The following SLC44A1 variants were observed in gnomAD, a reference collection of about 807,000 sequenced individuals.
SLC44A1 encodes solute carrier family 44 member 1.
Under a neutral mutation model 79.3 loss-of-function variants are expected in SLC44A1, and 26 were observed. That is an observed-to-expected ratio of 0.33 (90% CI 0.24 to 0.46). The LOEUF (loss-of-function observed/expected upper bound fraction) is 0.46. Among genes scored for constraint, SLC44A1 ranks in the 20% least tolerant of loss-of-function variants. The probability of loss-of-function intolerance (pLI) is 1.00; values close to 1 mark genes in which losing one functional copy is unlikely to be tolerated. For missense variants in SLC44A1, 688 were observed against 798.1 expected (o/e 0.86, Z 1.66); for synonymous variants, 263 against 286.2 (o/e 0.92, Z 0.82).
intron 12 of SLC44A1, among the ~76,000 whole-genome samples, chr9:105,368,226 A>G (rs1479986583): frequency 6.6e-6 from 1 of 150,630 alleles, no homozygotes; most frequent in Non-Finnish European, 1.5e-5. Context: ...GATTTTGTCC[A>G]TTTTGGATCA....
At chr9:105,286,928 C>T (rs564526629) in intron 1 of SLC44A1, among the ~76,000 whole-genome samples, 9 of 152,170 alleles carry the variant, frequency 5.9e-5, no homozygotes, top group Non-Finnish European at 1.2e-4. Flanking sequence ...CCTGTCACTG[C>T]GTTGCAGCCT....
intron 15 of SLC44A1, among the ~76,000 whole-genome samples, chr9:105,403,173 C>A (rs1828980938): frequency 6.6e-6 from 1 of 151,982 alleles, no homozygotes; most frequent in Non-Finnish European, 1.5e-5. Flanking sequence ...CAGGAAGAAA[C>A]AAATATGCTG....
intron 1 of SLC44A1, among the ~76,000 whole-genome samples, chr9:105,269,900 C>G (rs1368009354): frequency 6.6e-6 from 1 of 152,162 alleles, no homozygotes; most frequent in Non-Finnish European, 1.5e-5. Context: ...GTGTGCCACA[C>G]TGGTAACATG....
intron 2 of SLC44A1, among the ~76,000 whole-genome samples, chr9:105,303,508 C>T (rs1301555511): frequency 1.3e-5 from 2 of 152,172 alleles, no homozygotes; most frequent in African/African-American, 4.8e-5. Flanking sequence ...TTGCTGCTTA[C>T]TATGAGCTAG....
rs78302075 is a variant in SLC44A1, at chr9:105,273,683, T to G, written c.37-25537T>G. ...ATGTTCTGAGTATATTGTCTGAGTT[T>G]TTTTTTTTACCTGCAGTCACAGAGC... On this transcript the variant is annotated intron_variant, in intron 1 of 15. Coordinates refer to ENST00000374720, the MANE Select transcript of SLC44A1 (RefSeq NM_080546.5). 3.4e-3 allele frequency among the ~76,000 whole-genome samples: 524 copies of G among 152,248 alleles called. 2 individuals are homozygous for G. The highest frequency in any genetic ancestry group is 0.011 in the African/African-American group (477 of 41,544).
chr9:105,382,947 C>A lies in SLC44A1; in HGVS notation c.1633-176C>A, dbSNP rs180739321. ...TTTAAAATTTATATTATATGATAAGCATGTATAACTCTGGGTGTATATGAG... is the reference window on the plus strand; with the variant it reads ...TTTAAAATTTATATTATATGATAAGAATGTATAACTCTGGGTGTATATGAG... On this transcript the variant is annotated intron_variant, in intron 13 of 15. Transcript: ENST00000374720. 5.1e-4 allele frequency among the ~76,000 whole-genome samples: 77 copies of A among 152,224 alleles called. 1 individual carries two copies. In the East Asian group the frequency reaches 8.9e-3, roughly 18 times the overall value.
intron 1 of SLC44A1, among the ~76,000 whole-genome samples, chr9:105,286,209 A>C (rs893558047): frequency 1.3e-5 from 2 of 152,102 alleles, no homozygotes; most frequent in African/African-American, 4.8e-5. Flanking sequence ...TTTTCCACAT[A>C]GTTCATTCCA....
intron 4 of SLC44A1, among the ~76,000 whole-genome samples, chr9:105,340,566 A>G (rs1827057035): frequency 6.6e-6 from 1 of 152,234 alleles, no homozygotes; most frequent in Admixed American, 6.5e-5. Flanking sequence ...AATTTTTATT[A>G]AGTTCATGAA....
intron 15 of SLC44A1, among the ~76,000 whole-genome samples, chr9:105,435,468 A>G (rs1223230300): frequency 6.6e-6 from 1 of 152,118 alleles, no homozygotes; most frequent in Non-Finnish European, 1.5e-5. Flanking sequence ...CAGGGGAAGA[A>G]TGTCACAAGG....
chr9:105,419,794 A>G (rs1382018855), intron 15 of SLC44A1, among the ~76,000 whole-genome samples: 3 of 151,880 alleles, frequency 2.0e-5, no homozygotes, highest in African/African-American at 7.3e-5. Context: ...ATGTGCCTGT[A>G]ATCCAGCTAC....
chr9:105,326,891 G>C (rs1252254673), intron 3 of SLC44A1, among the ~76,000 whole-genome samples: 1 of 152,156 alleles, frequency 6.6e-6, no homozygotes, highest in Non-Finnish European at 1.5e-5. Context: ...ACACTTCATA[G>C]GTGTCTCCAA....
At chr9:105,422,238 T>TGATGCA (rs1052692561) in intron 15 of SLC44A1, among the ~76,000 whole-genome samples, 2 of 150,976 alleles carry the variant, frequency 1.3e-5, no homozygotes, top group Non-Finnish European at 2.9e-5. Flanking sequence ...CATGATCTCA[T>TGATGCA]GATGCAGGAC....
intron 14 of SLC44A1, among the ~76,000 whole-genome samples, chr9:105,384,685 T>TA: frequency 6.6e-6 from 1 of 152,232 alleles, no homozygotes; most frequent in East Asian, 1.9e-4. Context: ...AGAAGAGTGT[T>TA]ACTGTTTTTT....
Position 105,364,638 on chromosome 9 carries a change from G to A in SLC44A1, c.1171G>A (p.Gly391Ser). ...GTACATGTGGTGGTACCATGTGGTGGGCCTGATTTGGATCAGTGAATTTAT... is the reference window on the plus strand; with the variant it reads ...GTACATGTGGTGGTACCATGTGGTGAGCCTGATTTGGATCAGTGAATTTAT... Reference protein sequence around the residue: ...LQYMWWYHVVGLIWISEFILA... With the variant: ...LQYMWWYHVVSLIWISEFILA... The change falls in exon 10 of 16, where the codon GGC (glycine) becomes AGC (serine). Residue 391 changes from glycine (G) to serine (S), a missense_variant. Gly to Ser is a moderately conservative substitution (Grantham distance 56). Coordinates refer to ENST00000374720, the MANE Select transcript of SLC44A1 (RefSeq NM_080546.5). 2 of 1,614,062 alleles carry A rather than the reference G, an allele frequency of 1.2e-6. No homozygotes were observed. Among genetic ancestry groups the A allele is most frequent in the Non-Finnish European group, 1.7e-6 (2 of 1,179,936 alleles).
At chr9:105,255,116 T>A (rs1030153122) in intron 1 of SLC44A1, among the ~76,000 whole-genome samples, 4 of 150,828 alleles carry the variant, frequency 2.7e-5, no homozygotes, top group South Asian at 2.1e-4. Flanking sequence ...TTTTTTTTTT[T>A]AATAATTAAA....
intron 13 of SLC44A1, among the ~76,000 whole-genome samples, chr9:105,379,577 C>T (rs1291144560): frequency 6.6e-6 from 1 of 152,026 alleles, no homozygotes; most frequent in Non-Finnish European, 1.5e-5. Context: ...AATTTTAAAA[C>T]TGTGAATTTA....
At chr9:105,354,252 G>A (rs1308487444) in intron 5 of SLC44A1, among the ~76,000 whole-genome samples, 1 of 150,560 alleles carries the variant, frequency 6.6e-6, no homozygotes, top group African/African-American at 2.4e-5. Context: ...GGGTTTCACC[G>A]TGTTAGCCAG....
intron 1 of SLC44A1, among the ~76,000 whole-genome samples, chr9:105,273,495 A>G (rs540168055): frequency 6.6e-6 from 1 of 152,232 alleles, no homozygotes; most frequent in Non-Finnish European, 1.5e-5. Flanking sequence ...GCTTTTTTCT[A>G]GTTCTTATTG....
At chr9:105,362,788 A>T (rs1366308737) in intron 8 of SLC44A1, 33 bp from the exon 9 acceptor site, 2 of 1,478,834 alleles carry the variant, frequency 1.4e-6, no homozygotes, top group East Asian at 5.0e-5. Flanking sequence ...TTCACTACTT[A>T]TAATAATAAC....
Sources: gnomAD v4.1 joint callset for allele counts (sites outside exome capture counted in the v4.1 genomes callset) on GRCh38, gnomAD v4.1.1 for gene constraint, MANE v1.5 for transcripts, NCBI Gene and HGNC (gene_info 2026-07-23, HGNC 2026-07-21) for gene names.